EYS: variants seen among roughly 807,000 people sequenced by gnomAD.
EYS encodes the protein EGF-like photoreceptor maintenance factor.
Under a neutral mutation model 282.1 loss-of-function variants are expected in EYS, and 250 were observed. The observed-to-expected ratio is 0.89, with a 90% confidence interval of 0.80 to 0.98. EYS has a LOEUF of 0.98. Among genes scored for constraint, EYS ranks in the 50% least tolerant of loss-of-function variants. The pLI is 0.00. For missense variants in EYS, 4,016 were observed against 3,709.0 expected, an observed-to-expected ratio of 1.08 and a Z score of -2.15; for synonymous variants, 1,355 against 1,282.9, an observed-to-expected ratio of 1.06 and a Z score of -1.20.
At chr6:64,724,392 A>G (rs1471259187) in intron 22 of EYS, among the ~76,000 whole-genome samples, 2 of 152,184 alleles carry the variant, frequency 1.3e-5, no homozygotes, top group Non-Finnish European at 2.9e-5. Flanking sequence ...TTAAATCACT[A>G]ATGTAGATTT....
chr6:64,117,198 G>A (rs953379821), intron 31 of EYS, among the ~76,000 whole-genome samples: 2 of 151,964 alleles, frequency 1.3e-5, no homozygotes, highest in African/African-American at 4.8e-5. Flanking sequence ...AACTTAAGAA[G>A]TGTATTTTCT....
chr6:63,985,509 A>G (rs1767313583), intron 34 of EYS, among the ~76,000 whole-genome samples: 1 of 151,684 alleles, frequency 6.6e-6, no homozygotes, highest in Non-Finnish European at 1.5e-5. Context: ...TATGAGCAAA[A>G]TGTACGGTGC....
At chr6:65,478,116 G>C (rs77919191) in intron 5 of EYS, among the ~76,000 whole-genome samples, 7,114 of 152,216 alleles carry the variant, frequency 0.047, 461 homozygotes, top group African/African-American at 0.14. Flanking sequence ...TTGCAAATCA[G>C]TAGGAGGAGT....
intron 15 of EYS, among the ~76,000 whole-genome samples, chr6:64,936,356 G>C (rs1768906360): frequency 6.6e-6 from 1 of 151,404 alleles, no homozygotes; most frequent in Non-Finnish European, 1.5e-5. Context: ...TATGGTGAAA[G>C]ACTGCTTGAT....
In EYS at chr6:65,225,494, T is replaced by C. The variant is rs533332949; in HGVS notation, c.2023+70369A>G. Among the ~76,000 whole-genome samples the C allele has an allele frequency of 2.8e-4, 42 of 151,326 alleles. 1 individual carries two copies. The highest frequency in any genetic ancestry group is 1.0e-3 in the African/African-American group (42 of 41,390). The stretch of plus-strand genomic sequence containing the variant: ...ACTTTGGGAGGTCGAGGCGGGCAGA[T>C]CATGAGGTCAGAAGTTAGAGACCAG... On this transcript the variant is annotated intron_variant, in intron 12 of 42. Coordinates refer to ENST00000503581, the MANE Select transcript of EYS (RefSeq NM_001142800.2).
chr6:64,321,498 G>A (rs929155544), intron 29 of EYS, among the ~76,000 whole-genome samples: 1 of 151,774 alleles, frequency 6.6e-6, no homozygotes, highest in East Asian at 1.9e-4. Context: ...TGATATTATG[G>A]TGAGTAAATT....
chr6:63,882,707 G>A (rs557085742), intron 35 of EYS, among the ~76,000 whole-genome samples: 36 of 152,156 alleles, frequency 2.4e-4, no homozygotes, highest in South Asian at 1.2e-3. Context: ...CACAGCAGGC[G>A]GCCTATTTTA....
chr6:64,985,624 A>C (rs1465753548), intron 14 of EYS, among the ~76,000 whole-genome samples: 2 of 151,528 alleles, frequency 1.3e-5, no homozygotes, highest in African/African-American at 2.4e-5. Context: ...TGAAAAAATA[A>C]ATTTCTTTAA....
At chr6:64,282,947 T>C (rs945456794) in intron 30 of EYS, among the ~76,000 whole-genome samples, 2 of 152,200 alleles carry the variant, frequency 1.3e-5, no homozygotes, top group Admixed American at 1.3e-4. Flanking sequence ...ATTTAACATA[T>C]ATATTACATC....
chr6:65,577,409 C>G (rs578218025), intron 2 of EYS, among the ~76,000 whole-genome samples: 6 of 151,960 alleles, frequency 3.9e-5, no homozygotes, highest in Non-Finnish European at 8.8e-5. Context: ...ACTCTCATCT[C>G]TATCTAAAAT....
chr6:65,028,221 G>A (rs1772481930), intron 13 of EYS, among the ~76,000 whole-genome samples: 1 of 151,902 alleles, frequency 6.6e-6, no homozygotes, highest in South Asian at 2.1e-4. Flanking sequence ...AAACTCCAAT[G>A]CTTTACTCAG....
intron 23 of EYS, among the ~76,000 whole-genome samples, chr6:64,621,220 A>G (rs1291663337): frequency 6.6e-6 from 1 of 152,188 alleles, no homozygotes; most frequent in Non-Finnish European, 1.5e-5. Context: ...CAGTTTTAAT[A>G]TTACCATTCT....
intron 12 of EYS, among the ~76,000 whole-genome samples, chr6:65,197,521 G>T (rs1386780158): frequency 6.6e-6 from 1 of 152,104 alleles, no homozygotes; most frequent in African/African-American, 2.4e-5. Context: ...GTGGAGGCAA[G>T]ATCATGTTGG....
chr6:65,213,299 C>G (rs1466036538), intron 12 of EYS, among the ~76,000 whole-genome samples: 1 of 152,158 alleles, frequency 6.6e-6, no homozygotes, highest in East Asian at 1.9e-4. Flanking sequence ...CAGCGGTGAC[C>G]TTCAAAGTTG....
At chr6:65,019,680 A>G (rs530004582) in intron 13 of EYS, among the ~76,000 whole-genome samples, 1 of 152,308 alleles carries the variant, frequency 6.6e-6, no homozygotes, top group South Asian at 2.1e-4. Flanking sequence ...TTCTGGTAAG[A>G]CAACAGGAAT....
chr6:65,014,123 C>T (rs1424462797), intron 13 of EYS, among the ~76,000 whole-genome samples: 3 of 152,108 alleles, frequency 2.0e-5, no homozygotes, highest in Non-Finnish European at 4.4e-5. Context: ...TAGGGAATGG[C>T]ATCTGGTTTG....
intron 19 of EYS, among the ~76,000 whole-genome samples, chr6:64,872,982 T>A (rs1296497082): frequency 6.6e-6 from 1 of 151,960 alleles, no homozygotes; most frequent in East Asian, 1.9e-4. Flanking sequence ...GACTAAGAGA[T>A]GAAATGCTAA....
chr6:64,800,160 C>T (rs1433082661), intron 22 of EYS, among the ~76,000 whole-genome samples: 1 of 151,970 alleles, frequency 6.6e-6, no homozygotes. Flanking sequence ...AATTGGCCTA[C>T]AAAAGGTATT....
chr6:65,580,521 G>T (rs1427130019), intron 2 of EYS, among the ~76,000 whole-genome samples: 1 of 152,034 alleles, frequency 6.6e-6, no homozygotes, highest in Non-Finnish European at 1.5e-5. Context: ...ACCTAATTTT[G>T]TAGAATGCTT....
Sources: allele counts gnomAD v4.1 joint callset (sites outside exome capture counted in the v4.1 genomes callset), GRCh38; gene constraint gnomAD v4.1.1; transcripts MANE v1.5; gene names NCBI Gene and HGNC (gene_info 2026-07-23, HGNC 2026-07-21).